KLHL6: variants seen among roughly 807,000 people sequenced by gnomAD.
The protein encoded by KLHL6 is kelch-like protein 6.
Under a neutral mutation model 58.6 loss-of-function variants are expected in KLHL6, and 41 were observed. The ratio of observed to expected loss-of-function variants is 0.70; its 90% CI spans 0.55 to 0.91. The LOEUF (loss-of-function observed/expected upper bound fraction) is 0.91. Among genes scored for constraint, KLHL6 ranks in the 40% least tolerant of loss-of-function variants. KLHL6 has a pLI of 0.00. For synonymous variants in KLHL6, 338 were observed against 322.7 expected, an observed-to-expected ratio of 1.05 and a Z score of -0.51; for missense variants, 714 against 805.6, an observed-to-expected ratio of 0.89 and a Z score of 1.38.
At chr3:183,535,138 T>A (rs1577198599) in intron 1 of KLHL6, among the ~76,000 whole-genome samples, 1 of 151,710 alleles carries the variant, frequency 6.6e-6, no homozygotes. Flanking sequence ...AGAGACGGGG[T>A]TTTACTATGT....
At position 183,492,298 on chromosome 3, in the gene KLHL6, A is replaced by AT; in HGVS notation, c.1565-71dup. ...GGTTTCTTCCCTCTTAACCACTAAA[A>AT]TTCAACTTCTGATTAGGCCAAGTCT... On this transcript the variant is annotated intron_variant, in intron 6 of 6. Transcript: ENST00000341319. The surrounding 1 kb of genome is among the most constrained non-coding windows in gnomAD (Gnocchi z 5.9). 7.0e-7 allele frequency: 1 copy of AT among 1,423,378 alleles called. No homozygotes were observed. Among genetic ancestry groups the AT allele is most frequent in the South Asian group, 1.4e-5 (1 of 71,658 alleles). 88.2% of individuals were successfully genotyped at this position (1,423,378 alleles called of 1,614,324 possible).
chr3:183,503,522 G>A (rs1270948795), intron 3 of KLHL6, among the ~76,000 whole-genome samples: 1 of 152,222 alleles, frequency 6.6e-6, no homozygotes, highest in Non-Finnish European at 1.5e-5. Flanking sequence ...GCTCACACCT[G>A]TAATCCCAGC....
At chr3:183,500,031 G>A (rs1483739681) in intron 3 of KLHL6, among the ~76,000 whole-genome samples, 1 of 152,190 alleles carries the variant, frequency 6.6e-6, no homozygotes, top group Admixed American at 6.5e-5. Flanking sequence ...AGGGTTAAAT[G>A]GGATAATGTA....
intron 1 of KLHL6, among the ~76,000 whole-genome samples, chr3:183,535,959 A>T (rs1328264641): frequency 3.9e-5 from 6 of 152,134 alleles, no homozygotes; most frequent in African/African-American, 1.4e-4. Flanking sequence ...TATTTTTAGT[A>T]GAGATGGGGT....
rs1553813934 is a variant in KLHL6 at position 183,542,888 on chromosome 3, A to ATGGATGGATGGATGGATGGG, written c.293+12472_293+12473insCCCATCCATCCATCCATCCA. On this transcript the variant is annotated intron_variant, in intron 1 of 6. Transcript: ENST00000341319. Reference sequence around the variant, plus strand: ...GATGGATGGATGGATGGATGGATGGATGGATGGATGGATGGACAGATGGAT... The same window carrying ATGGATGGATGGATGGATGGG: ...GATGGATGGATGGATGGATGGATGGATGGATGGATGGATGGATGGGTGGATGGATGGATGGACAGATGGAT... Among the ~76,000 whole-genome samples the ATGGATGGATGGATGGATGGG allele has an allele frequency of 1.8e-3, 262 of 147,032 alleles. 1 individual carries two copies. Among genetic ancestry groups the ATGGATGGATGGATGGATGGG allele is most frequent in the East Asian group, 4.2e-3 (22 of 5,180 alleles).
chr3:183,512,741 T>C (rs975677814), intron 2 of KLHL6, among the ~76,000 whole-genome samples: 1 of 152,146 alleles, frequency 6.6e-6, no homozygotes. Context: ...TCCACCCACC[T>C]TGGCCTCCCA....
At position 183,499,939 on chromosome 3, in the gene KLHL6, T is replaced by C. The variant is rs1345127378; in HGVS notation, c.910-112A>G. On this transcript the variant is annotated intron_variant, in intron 3 of 6. Transcript: ENST00000341319. The surrounding 1 kb of genome is among the most constrained non-coding windows in gnomAD (Gnocchi z 4.6). ...TCCCATATCTGCCACGGTATGACCATGTGACTTCACCTCCCTGAGCCTCAG... is the reference window on the plus strand; with the variant it reads ...TCCCATATCTGCCACGGTATGACCACGTGACTTCACCTCCCTGAGCCTCAG... 5.7e-6 allele frequency: 4 copies of C among 695,844 alleles called. No homozygotes were observed. The highest frequency in any genetic ancestry group is 3.3e-5 in the Admixed American group (1 of 30,266). The allele number at this position is 695,844 out of a possible 1,614,324, so 43.1% of individuals were successfully genotyped here.
intron 1 of KLHL6, among the ~76,000 whole-genome samples, chr3:183,534,199 G>T (rs78458218): frequency 0.022 from 2,623 of 121,854 alleles, 72 homozygotes; most frequent in African/African-American, 0.094. Context: ...TATAGGGCTT[G>T]CCTCGCTGCC....
chr3:183,490,012 C>T lies in KLHL6; in HGVS notation c.*1915G>A, dbSNP rs1002275304. The T allele has an allele frequency of 3.3e-5, 5 of 152,122 alleles. No individual in the cohort carries two copies. The highest frequency in any genetic ancestry group is 5.9e-5 in the Non-Finnish European group (4 of 68,036). The allele number at this position is 152,122 out of a possible 1,614,324, so 9.4% of individuals were successfully genotyped here. A position where few individuals can be genotyped will look rare whatever the true frequency, so the allele number is the denominator to read the frequency against. On this transcript the variant is annotated 3_prime_UTR_variant, in exon 7 of 7. Transcript: ENST00000341319. ...GATGAAAATAAAGTCCATTGGGTAA[C>T]GCAGTTACTATGTTGTTATCATTGT...
At position 183,552,545 on chromosome 3, in the gene KLHL6, C is replaced by T. The variant is rs183891985; in HGVS notation, c.293+2816G>A. Among the ~76,000 whole-genome samples, 22 of 151,670 alleles carry T rather than the reference C, an allele frequency of 1.5e-4. No individual in the cohort carries two copies. In the East Asian group the frequency reaches 3.1e-3, roughly 21 times the overall value. On this transcript the variant is annotated intron_variant, in intron 1 of 6. Coordinates refer to ENST00000341319, the MANE Select transcript of KLHL6 (RefSeq NM_130446.4). ...CATCCTGGCTAACACAGTGAAACCC[C>T]GTCTCTACTAAAAATACAAAAAATT...
intron 2 of KLHL6, among the ~76,000 whole-genome samples, chr3:183,519,723 AAATAAT>A (rs60323917): frequency 6.6e-5 from 10 of 150,526 alleles, no homozygotes; most frequent in African/African-American, 2.5e-4. Context: ...TTTGTCTCTA[AAATAAT>A]AATAATAATA....
At chr3:183,537,084 C>T (rs999008598) in intron 1 of KLHL6, among the ~76,000 whole-genome samples, 10 of 152,166 alleles carry the variant, frequency 6.6e-5, no homozygotes, top group Non-Finnish European at 1.3e-4. Flanking sequence ...GGCCACCATG[C>T]TGAACATGGG....
intron 2 of KLHL6, among the ~76,000 whole-genome samples, chr3:183,525,267 A>ACACACACACACACACACACACACACACAC (rs1553811023): frequency 4.0e-4 from 50 of 125,724 alleles, no homozygotes; most frequent in East Asian, 6.3e-4. Context: ...CTCTAAAAAA[A>ACACACACACACACACACACACACACACAC]AAACACACAC....
chr3:183,555,504 G>A lies in KLHL6; in HGVS notation c.150C>T (p.Asp50=), dbSNP rs201171041. 71 of 1,614,118 alleles carry A rather than the reference G, an allele frequency of 4.4e-5. No homozygotes were observed. In the Middle Eastern group the frequency reaches 4.9e-4, roughly 11 times the overall value. ...GAAGAATTAAGGAGAGTCCCGCGTC[G>A]TCAAATTTGACCTTTTCCCCATTTA... ...EILNGEKVKF[D]DAGLSLILQN... The change falls in exon 1 of 7, where the codon GAC becomes GAT. Residue 50 remains aspartate (D), a synonymous_variant. Coordinates refer to ENST00000341319, the MANE Select transcript of KLHL6 (RefSeq NM_130446.4).
At chr3:183,511,493 A>C (rs1044503125) in intron 2 of KLHL6, among the ~76,000 whole-genome samples, 1 of 152,192 alleles carries the variant, frequency 6.6e-6, no homozygotes, top group Non-Finnish European at 1.5e-5. Flanking sequence ...TCCTCAGCAC[A>C]GACCCTTCAC....
chr3:183,550,465 C>T (rs1226333164), intron 1 of KLHL6, among the ~76,000 whole-genome samples: 1 of 151,938 alleles, frequency 6.6e-6, no homozygotes, highest in Non-Finnish European at 1.5e-5. Flanking sequence ...CCCTCCAAGG[C>T]ACATCATTGT....
intron 2 of KLHL6, among the ~76,000 whole-genome samples, chr3:183,509,166 T>A (rs1452506087): frequency 6.6e-6 from 1 of 152,202 alleles, no homozygotes; most frequent in Non-Finnish European, 1.5e-5. Flanking sequence ...ATTGACCAAT[T>A]GCAAAGTATG....
rs1212378469 is a variant in KLHL6 at position 183,487,746 on chromosome 3, G to A, written c.*4181C>T. The A allele has an allele frequency of 6.6e-6, 1 of 152,142 alleles. No individual in the cohort carries two copies. Among genetic ancestry groups the A allele is most frequent in the Non-Finnish European group, 1.5e-5 (1 of 68,020 alleles). 9.4% of individuals were successfully genotyped at this position (152,142 alleles called of 1,614,324 possible). On this transcript the variant is annotated 3_prime_UTR_variant, in exon 7 of 7. Coordinates refer to ENST00000341319, the MANE Select transcript of KLHL6 (RefSeq NM_130446.4). ...AATCTGACCTGTCAAAACTGGTTTT[G>A]CAGTAGCCAGATTTGAGATATATGT...
At position 183,489,999 on chromosome 3, in the gene KLHL6, G is replaced by A. The variant is rs1266505407; in HGVS notation, c.*1928C>T. 1 of 152,132 alleles carries A rather than the reference G, an allele frequency of 6.6e-6. No homozygotes were observed. Among genetic ancestry groups the A allele is most frequent in the East Asian group, 1.9e-4 (1 of 5,204 alleles). 9.4% of individuals were successfully genotyped at this position (152,132 alleles called of 1,614,324 possible). A position where few individuals can be genotyped will look rare whatever the true frequency, so the allele number is the denominator to read the frequency against. ...ATTGAAATCATATGATGAAAATAAA[G>A]TCCATTGGGTAACGCAGTTACTATG... On this transcript the variant is annotated 3_prime_UTR_variant, in exon 7 of 7. Transcript: ENST00000341319.
Sources: allele counts gnomAD v4.1 joint callset (sites outside exome capture counted in the v4.1 genomes callset), GRCh38; gene constraint gnomAD v4.1.1; non-coding constraint Gnocchi (gnomAD v3.1); transcripts MANE v1.5; gene names NCBI Gene and HGNC (gene_info 2026-07-23, HGNC 2026-07-21).